The following WWOX variants were observed in gnomAD, a reference collection of about 807,000 sequenced individuals.
WWOX encodes WW domain containing oxidoreductase, also known as WW domain-containing oxidoreductase.
A neutral mutation model predicts 46.2 loss-of-function variants in WWOX; 69 were observed. That is an observed-to-expected ratio of 1.49 (90% confidence interval 1.23 to 1.82). The LOEUF (loss-of-function observed/expected upper bound fraction) is 1.82. Among genes scored for constraint, WWOX ranks in the 40% most tolerant of loss-of-function variants. WWOX has a pLI of 0.00. For missense variants in WWOX, 919 were observed against 542.6 expected (o/e 1.69, Z -6.89); for synonymous variants, 359 against 202.6 (o/e 1.77, Z -6.56).
At chr16:78,844,555 T>C (rs768427019) in intron 8 of WWOX, among the ~76,000 whole-genome samples, 3 of 152,052 alleles carry the variant, frequency 2.0e-5, no homozygotes, top group Non-Finnish European at 4.4e-5. Context: ...AAATGATAGG[T>C]GTACAAAAGG....
At chr16:78,325,657 ATTAAT>A (rs1234940400) in intron 5 of WWOX, among the ~76,000 whole-genome samples, 1 of 152,236 alleles carries the variant, frequency 6.6e-6, no homozygotes, top group Non-Finnish European at 1.5e-5. Context: ...TGGCAGCTTG[ATTAAT>A]TTATTTCTCC....
chr16:78,275,004 G>T (rs2079550297), intron 5 of WWOX, among the ~76,000 whole-genome samples: 1 of 152,124 alleles, frequency 6.6e-6, no homozygotes, highest in East Asian at 1.9e-4. Context: ...CCCAAGTCAT[G>T]ATGTGAATCA....
chr16:78,358,866 C>CT (rs57364873), intron 5 of WWOX, among the ~76,000 whole-genome samples: 3,214 of 120,944 alleles, frequency 0.027, 174 homozygotes, highest in African/African-American at 0.09. Flanking sequence ...ACACTGTGGT[C>CT]TTTTTTTTTT....
At chr16:78,374,978 G>C (rs369134787) in intron 5 of WWOX, among the ~76,000 whole-genome samples, 1 of 152,110 alleles carries the variant, frequency 6.6e-6, no homozygotes, top group South Asian at 2.1e-4. Flanking sequence ...GAGCCACTGC[G>C]CCTGTCTACA....
intron 8 of WWOX, among the ~76,000 whole-genome samples, chr16:79,018,353 T>C (rs2047459317): frequency 6.6e-6 from 1 of 152,206 alleles, no homozygotes; most frequent in Non-Finnish European, 1.5e-5. Context: ...AGCCAAATAG[T>C]GCTCTGTAAA....
intron 5 of WWOX, among the ~76,000 whole-genome samples, chr16:78,235,848 C>A (rs549422489): frequency 6.6e-6 from 1 of 152,194 alleles, no homozygotes; most frequent in Admixed American, 6.5e-5. Context: ...TCACTGGGAA[C>A]CTGTGAGTGG....
chr16:78,584,933 A>G (rs2045157601), intron 8 of WWOX, among the ~76,000 whole-genome samples: 1 of 152,244 alleles, frequency 6.6e-6, no homozygotes, highest in African/African-American at 2.4e-5. Flanking sequence ...CGCCTCGGTC[A>G]AAGCACACAG....
intron 8 of WWOX, among the ~76,000 whole-genome samples, chr16:78,738,795 T>C (rs1364293): frequency 0.15 from 22,767 of 152,078 alleles, 2,085 homozygotes; most frequent in African/African-American, 0.25. Flanking sequence ...GCCATTGCCT[T>C]GACCACAAAG....
intron 8 of WWOX, among the ~76,000 whole-genome samples, chr16:78,574,999 TTATA>T (rs1274999113): frequency 7.6e-4 from 28 of 37,026 alleles, no homozygotes; most frequent in Non-Finnish European, 7.2e-4. Flanking sequence ...TATTTTTCAA[TTATA>T]TATATATATA....
Position 78,316,821 on chromosome 16 carries a change from C to A in WWOX, c.517-70039C>A, listed in dbSNP as rs546452942. On this transcript the variant is annotated intron_variant, in intron 5 of 8. Transcript: ENST00000566780. Reference sequence around the variant, plus strand: ...CTGCTAGCTCTAGTATTTTTCAATGCTGCTTTTTAAGTGATAGATGTATAC... The same window carrying A: ...CTGCTAGCTCTAGTATTTTTCAATGATGCTTTTTAAGTGATAGATGTATAC... 3.9e-5 allele frequency among the ~76,000 whole-genome samples: 6 copies of A among 152,320 alleles called. 1 individual carries two copies. Among genetic ancestry groups the A allele is most frequent in the Admixed American group, 1.3e-4 (2 of 15,302 alleles).
intron 8 of WWOX, among the ~76,000 whole-genome samples, chr16:78,750,829 C>G (rs1297894197): frequency 6.6e-6 from 1 of 152,078 alleles, no homozygotes; most frequent in Admixed American, 6.6e-5. Flanking sequence ...TGATTTTCTT[C>G]TTTTTTATGG....
At chr16:79,121,775 G>C (rs550204588) in intron 8 of WWOX, among the ~76,000 whole-genome samples, 9 of 152,308 alleles carry the variant, frequency 5.9e-5, no homozygotes, top group African/African-American at 2.2e-4. Flanking sequence ...GTTAGTGCCA[G>C]ATAAGGTCCA....
intron 8 of WWOX, among the ~76,000 whole-genome samples, chr16:78,711,772 G>C (rs185531572): frequency 9.2e-5 from 14 of 152,262 alleles, no homozygotes; most frequent in African/African-American, 3.4e-4. Context: ...GTGTTAAAGA[G>C]TGAGCGCACA....
At chr16:78,640,430 C>G (rs2046679479) in intron 8 of WWOX, among the ~76,000 whole-genome samples, 1 of 151,940 alleles carries the variant, frequency 6.6e-6, no homozygotes, top group African/African-American at 2.4e-5. Context: ...AAGGTATAGG[C>G]TCACGTCTCC....
At position 78,499,005 on chromosome 16, in the gene WWOX, A is replaced by C. The variant is rs1249048885; in HGVS notation, c.1056+66253A>C. Among the ~76,000 whole-genome samples, 4 of 152,340 alleles carry C rather than the reference A, an allele frequency of 2.6e-5. 1 individual carries two copies. Among genetic ancestry groups the C allele is most frequent in the African/African-American group, 9.6e-5 (4 of 41,586 alleles). ...TACTTCTGAAGGCTTTTTGTCTATG[A>C]AGTACACGAGGTTTCTTAATAGTTT... is the stretch of plus-strand genomic sequence containing the variant. On this transcript the variant is annotated intron_variant, in intron 8 of 8. Coordinates refer to ENST00000566780, the MANE Select transcript of WWOX (RefSeq NM_016373.4).
At chr16:78,936,663 G>A (rs2045743961) in intron 8 of WWOX, among the ~76,000 whole-genome samples, 1 of 152,132 alleles carries the variant, frequency 6.6e-6, no homozygotes, top group African/African-American at 2.4e-5. Flanking sequence ...TTTCCTCTTG[G>A]TTTGGAAAGC....
At chr16:78,335,699 A>T (rs748098080) in intron 5 of WWOX, among the ~76,000 whole-genome samples, 12 of 152,154 alleles carry the variant, frequency 7.9e-5, no homozygotes, top group Non-Finnish European at 1.6e-4. Flanking sequence ...AATTCACCCA[A>T]TCCGAATTTT....
At chr16:78,870,274 C>A (rs1444854317) in intron 8 of WWOX, among the ~76,000 whole-genome samples, 1 of 152,320 alleles carries the variant, frequency 6.6e-6, no homozygotes, top group Middle Eastern at 3.4e-3. Flanking sequence ...GACCCAGTTT[C>A]TTTGACTAAA....
At chr16:78,439,420 C>A (rs1476615321) in intron 8 of WWOX, among the ~76,000 whole-genome samples, 10 of 152,166 alleles carry the variant, frequency 6.6e-5, no homozygotes, top group Admixed American at 6.5e-4. Context: ...AGGCCACCTT[C>A]TTGCAGGAAG....
Sources: allele counts gnomAD v4.1 joint callset (sites outside exome capture counted in the v4.1 genomes callset), GRCh38; gene constraint gnomAD v4.1.1; transcripts MANE v1.5; gene names NCBI Gene and HGNC (gene_info 2026-07-23, HGNC 2026-07-21).